The following LSAMP variants were observed in gnomAD, a reference collection of about 807,000 sequenced individuals.
The protein encoded by LSAMP is limbic system associated membrane protein.
In LSAMP, 7 loss-of-function variants were observed where a neutral mutation model predicts 38.6. The ratio of observed to expected loss-of-function variants is 0.18; its 90% confidence interval spans 0.10 to 0.34. The LOEUF is 0.34. Ranked by LOEUF, LSAMP falls within the 10% of genes least tolerant of loss-of-function variation. LSAMP has a pLI of 1.00. For synonymous variants in LSAMP, 154 were observed against 166.8 expected (o/e 0.92, Z 0.59); for missense variants, 313 against 420.0 (o/e 0.75, Z 2.23).
intron 3 of LSAMP, among the ~76,000 whole-genome samples, chr3:115,861,281 A>G (rs946595292): frequency 6.6e-6 from 1 of 151,672 alleles, no homozygotes; most frequent in South Asian, 2.1e-4. Context: ...CTATTTGTTT[A>G]AAGTCCTTTA....
intron 3 of LSAMP, among the ~76,000 whole-genome samples, chr3:115,956,117 G>A (rs1938446595): frequency 6.6e-6 from 1 of 152,004 alleles, no homozygotes; most frequent in African/African-American, 2.4e-5. Context: ...TATTCTTTAT[G>A]ATAACTTTTA....
intron 1 of LSAMP, among the ~76,000 whole-genome samples, chr3:116,144,359 C>CA (rs1349420332): frequency 6.6e-6 from 1 of 151,650 alleles, no homozygotes; most frequent in Non-Finnish European, 1.5e-5. Context: ...CTTGTCACTA[C>CA]AAAAAATTTA....
At chr3:115,941,067 A>G (rs113081146) in intron 3 of LSAMP, among the ~76,000 whole-genome samples, 19 of 152,292 alleles carry the variant, frequency 1.2e-4, no homozygotes, top group African/African-American at 3.8e-4. Context: ...TATATAAGGA[A>G]CTCATACAAC....
intron 3 of LSAMP, among the ~76,000 whole-genome samples, chr3:115,981,970 G>A (rs1939372988): frequency 1.3e-5 from 2 of 152,178 alleles, no homozygotes; most frequent in Non-Finnish European, 2.9e-5. Context: ...CAATGGAAAA[G>A]TCTAACTTGG....
chr3:116,296,497 C>A (rs2047336044), intron 1 of LSAMP, among the ~76,000 whole-genome samples: 1 of 151,856 alleles, frequency 6.6e-6, no homozygotes, highest in African/African-American at 2.4e-5. Context: ...CTGGCTAACA[C>A]GGTGAAACCC....
intron 1 of LSAMP, among the ~76,000 whole-genome samples, chr3:116,296,048 G>A (rs1052163521): frequency 5.9e-5 from 9 of 152,204 alleles, no homozygotes; most frequent in African/African-American, 2.4e-5. Flanking sequence ...CTGTGAATAT[G>A]AATACGGTCA....
intron 1 of LSAMP, among the ~76,000 whole-genome samples, chr3:116,350,905 T>G (rs2048129831): frequency 6.6e-6 from 1 of 151,960 alleles, no homozygotes. Context: ...GCATGATAAG[T>G]GCTTGGTTAA....
intron 1 of LSAMP, among the ~76,000 whole-genome samples, chr3:116,427,722 C>T (rs963220194): frequency 3.9e-5 from 6 of 152,190 alleles, no homozygotes; most frequent in African/African-American, 7.2e-5. Flanking sequence ...CAAAGCTAAG[C>T]TTCCCTGTAA....
intron 3 of LSAMP, among the ~76,000 whole-genome samples, chr3:115,915,640 C>A (rs978694957): frequency 1.3e-5 from 2 of 151,678 alleles, no homozygotes; most frequent in South Asian, 4.2e-4. Context: ...TTAGGAATAT[C>A]CTTTTTTTTT....
intron 3 of LSAMP, among the ~76,000 whole-genome samples, chr3:115,954,959 GTT>G (rs56322133): frequency 1.0e-4 from 15 of 147,372 alleles, no homozygotes; most frequent in East Asian, 6.0e-4. Context: ...TTTTGTTTTT[GTT>G]TTTTTTTTTT....
intron 1 of LSAMP, among the ~76,000 whole-genome samples, chr3:116,359,248 T>A (rs1296251290): frequency 6.6e-6 from 1 of 152,230 alleles, no homozygotes; most frequent in African/African-American, 2.4e-5. Context: ...TAAGGAAATA[T>A]TTTCCCTTGA....
chr3:115,985,774 C>T (rs1433108912), intron 3 of LSAMP, among the ~76,000 whole-genome samples: 1 of 152,124 alleles, frequency 6.6e-6, no homozygotes, highest in South Asian at 2.1e-4. Flanking sequence ...CATCTACAAC[C>T]ATGTAGGTGA....
At chr3:116,249,889 C>G (rs1019417342) in intron 1 of LSAMP, among the ~76,000 whole-genome samples, 2 of 151,990 alleles carry the variant, frequency 1.3e-5, no homozygotes, top group East Asian at 1.9e-4. Flanking sequence ...AAAACTCTTG[C>G]CATTAAAATT....
chr3:115,858,135 ATCTCTCTCTCTC>A (rs67994060), intron 3 of LSAMP, among the ~76,000 whole-genome samples: 5,792 of 144,128 alleles, frequency 0.04, 133 homozygotes, highest in African/African-American at 0.047. Context: ...CCGTCCTCCC[ATCTCTCTCTCTC>A]TCTCTCTCTC....
At chr3:116,188,886 T>C (rs1442081839) in intron 1 of LSAMP, among the ~76,000 whole-genome samples, 1 of 152,184 alleles carries the variant, frequency 6.6e-6, no homozygotes, top group African/African-American at 2.4e-5. Flanking sequence ...AGATTGACCA[T>C]TGATTAAAAA....
chr3:116,091,421 A>AAAG (rs1708120481), intron 1 of LSAMP, among the ~76,000 whole-genome samples: 1 of 148,796 alleles, frequency 6.7e-6, no homozygotes, highest in East Asian at 1.9e-4. Context: ...CTAAGAGACT[A>AAAG]AAGTAAAGAC....
intron 3 of LSAMP, among the ~76,000 whole-genome samples, chr3:115,997,753 T>TATATACACAC: frequency 8.0e-6 from 1 of 124,980 alleles, no homozygotes; most frequent in African/African-American, 3.2e-5. Context: ...TATATATATA[T>TATATACACAC]ACACACACAT....
At chr3:115,870,186 G>C (rs1425504330) in intron 3 of LSAMP, among the ~76,000 whole-genome samples, 1 of 152,000 alleles carries the variant, frequency 6.6e-6, no homozygotes, top group Non-Finnish European at 1.5e-5. Context: ...TTGCAACAGA[G>C]ACCCTATGGC....
At position 115,873,777 on chromosome 3, in the gene LSAMP, C is replaced by G. The variant is rs545511150; in HGVS notation, c.515-21160G>C. 4.6e-5 allele frequency among the ~76,000 whole-genome samples: 7 copies of G among 152,234 alleles called. No individual in the cohort carries two copies. The South Asian group carries it at 1.5e-3, about 32-fold the overall frequency. ...GCTAAGAAGTTCAAAAGAGATAATA[C>G]ATGCAAATTACCAGGTATCACATCT... On this transcript the variant is annotated intron_variant, in intron 3 of 6. Coordinates refer to ENST00000490035, the MANE Select transcript of LSAMP (RefSeq NM_002338.5).
Sources: allele counts gnomAD v4.1 joint callset (sites outside exome capture counted in the v4.1 genomes callset), GRCh38; gene constraint gnomAD v4.1.1; transcripts MANE v1.5; gene names NCBI Gene and HGNC (gene_info 2026-07-23, HGNC 2026-07-21).